The following MS4A12 variants were observed in gnomAD, a reference collection of about 807,000 sequenced individuals.
The protein encoded by MS4A12 is membrane spanning 4-domains A12.
MS4A12 carries 28 observed loss-of-function variants against 23.7 expected under a neutral mutation model. The observed-to-expected ratio is 1.18, with a 90% confidence interval of 0.88 to 1.62. The LOEUF (loss-of-function observed/expected upper bound fraction) is 1.62, where lower values mean the gene tolerates loss of function less well. Ranked by LOEUF, MS4A12 falls within the 40% of genes most tolerant of loss-of-function variation. The pLI is 0.00. For synonymous variants in MS4A12, 108 were observed against 110.1 expected, an observed-to-expected ratio of 0.98 and a Z score of 0.12; for missense variants, 342 against 327.0, an observed-to-expected ratio of 1.05 and a Z score of -0.35.
At position 60,499,889 on chromosome 11, in the gene MS4A12, G is replaced by T. The variant is rs534756029; in HGVS notation, c.277-1156G>T. Among the ~76,000 whole-genome samples, 5 of 152,218 alleles carry T rather than the reference G, an allele frequency of 3.3e-5. No individual in the cohort carries two copies. The East Asian group carries it at 7.7e-4, about 23-fold the overall frequency. On this transcript the variant is annotated intron_variant, in intron 2 of 6. Coordinates refer to ENST00000016913, the MANE Select transcript of MS4A12 (RefSeq NM_017716.3). ...AAGGTTCAATAAGAGGTACAAGGAG[G>T]TAAAAGATGTATACCTTACTTTTAG...
At chr11:60,504,505 A>G (rs1408641552) in intron 5 of MS4A12, among the ~76,000 whole-genome samples, 1 of 152,210 alleles carries the variant, frequency 6.6e-6, no homozygotes, top group Admixed American at 6.5e-5. Context: ...AAACCACAGA[A>G]GAGTGGTTTT....
intron 4 of MS4A12, among the ~76,000 whole-genome samples, chr11:60,502,272 T>G (rs1170783321): frequency 6.6e-6 from 1 of 152,100 alleles, no homozygotes; most frequent in Non-Finnish European, 1.5e-5. Flanking sequence ...AGGTGAGAAG[T>G]AGTAAAAATC....
Position 60,492,817 on chromosome 11 carries a change from C to T in MS4A12, c.-18C>T, listed in dbSNP as rs991255142. On this transcript the variant is annotated 5_prime_UTR_variant, in exon 1 of 7. Transcript: ENST00000016913. ...AGAGAAAGAGGAAACATAGAGGTGC[C>T]AAAGGAACAAAGTAAGTCCATTGAT... The T allele has an allele frequency of 3.3e-5, 5 of 152,134 alleles. No homozygotes were observed. The highest frequency in any genetic ancestry group is 7.3e-5 in the Non-Finnish European group (5 of 68,036). The allele number at this position is 152,134 out of a possible 1,614,324, so 9.4% of individuals were successfully genotyped here.
In MS4A12 at chr11:60,503,054, C is replaced by T. The variant is rs116744989; in HGVS notation, c.472-647C>T. On this transcript the variant is annotated intron_variant, in intron 4 of 6. Coordinates refer to ENST00000016913, the MANE Select transcript of MS4A12 (RefSeq NM_017716.3). The stretch of plus-strand genomic sequence containing the variant: ...TCTAAAGAACTCGACTGTGCCACCC[C>T]TAGCAAGTCACCTGCGGACTTGGTT... Among the ~76,000 whole-genome samples the T allele has an allele frequency of 8.2e-4, 125 of 152,258 alleles. 1 individual carries two copies. The highest frequency in any genetic ancestry group is 2.8e-3 in the African/African-American group (117 of 41,540).
At chr11:60,502,124 G>A (rs2086535191) in intron 4 of MS4A12, 85 bp downstream of exon 4, 1 of 1,392,338 alleles carries the variant, frequency 7.2e-7, no homozygotes, top group Admixed American at 1.8e-5. Context: ...CTGGATTTGG[G>A]AAATGCAAAA....
At chr11:60,501,737 G>C (rs1223612016) in intron 3 of MS4A12, among the ~76,000 whole-genome samples, 1 of 152,116 alleles carries the variant, frequency 6.6e-6, no homozygotes, top group African/African-American at 2.4e-5. Context: ...GGATGGAGCA[G>C]TAAGCCTCAG....
intron 3 of MS4A12, 46 bp downstream of exon 3, chr11:60,501,228 T>C: frequency 6.5e-7 from 1 of 1,535,338 alleles, no homozygotes; most frequent in Non-Finnish European, 8.8e-7. Context: ...TTATAAAGTA[T>C]TCCCTCTTGG....
rs6591594 is a variant in MS4A12 at position 60,503,700 on chromosome 11, G to T, written c.472-1G>T. ...TGATTTTTTCCTGCCATCTCCATTA[G>T]GTGAAAGGCAGCCTGGGAATGAACA... On this transcript the variant is annotated splice_acceptor_variant, in intron 4 of 6. Coordinates refer to ENST00000016913, the MANE Select transcript of MS4A12 (RefSeq NM_017716.3). LOFTEE classifies it high-confidence loss of function. The T allele has an allele frequency of 2.6e-3, 4,241 of 1,610,426 alleles. 97 individuals carry two copies. The African/African-American group carries it at 0.045, about 17-fold the overall frequency.
At chr11:60,504,781 C>T (rs976153359) in intron 5 of MS4A12, among the ~76,000 whole-genome samples, 1 of 152,032 alleles carries the variant, frequency 6.6e-6, no homozygotes, top group African/African-American at 2.4e-5. Flanking sequence ...GCTTATGAAG[C>T]CATCTGCTTC....
chr11:60,499,923 G>C (rs749025295), intron 2 of MS4A12, among the ~76,000 whole-genome samples: 1 of 152,170 alleles, frequency 6.6e-6, no homozygotes, highest in African/African-American at 2.4e-5. Flanking sequence ...AGTAATATAT[G>C]ATTGATAAGA....
Position 60,507,262 on chromosome 11 carries a change from C to T in MS4A12, c.*138C>T, listed in dbSNP as rs1376939564. The T allele has an allele frequency of 3.0e-6, 2 of 668,630 alleles. No homozygotes were observed. The highest frequency in any genetic ancestry group is 5.1e-6 in the Non-Finnish European group (2 of 389,486). 41.4% of individuals were successfully genotyped at this position (668,630 alleles called of 1,614,324 possible). A position where few individuals can be genotyped will look rare whatever the true frequency, so the allele number is the denominator to read the frequency against. ...TTGAGATTTGTTTTTAGGTTGGTCG[C>T]TAATGATGGCTGTATCTCCCTTCAC... On this transcript the variant is annotated 3_prime_UTR_variant, in exon 7 of 7. Transcript: ENST00000016913.
intron 4 of MS4A12, among the ~76,000 whole-genome samples, chr11:60,502,894 C>T (rs1472660606): frequency 6.6e-6 from 1 of 152,094 alleles, no homozygotes; most frequent in Non-Finnish European, 1.5e-5. Context: ...AGGATCCTTC[C>T]GTCTAATTGA....
chr11:60,503,621 C>A, intron 4 of MS4A12, 80 bp from the exon 5 acceptor site: 1 of 1,144,146 alleles, frequency 8.7e-7, no homozygotes, highest in South Asian at 1.6e-5. Context: ...AATTAAGAAC[C>A]ATGAAATTTG....
intron 1 of MS4A12, among the ~76,000 whole-genome samples, chr11:60,495,995 G>A (rs2086485205): frequency 6.6e-6 from 1 of 152,156 alleles, no homozygotes; most frequent in South Asian, 2.1e-4. Context: ...TGAACCAACA[G>A]CCAAGAATCC....
At chr11:60,500,035 C>A (rs982537905) in intron 2 of MS4A12, among the ~76,000 whole-genome samples, 1 of 127,214 alleles carries the variant, frequency 7.9e-6, no homozygotes, top group Non-Finnish European at 1.7e-5. Context: ...GTCAGAAGAT[C>A]CAGACCTTCC....
At chr11:60,505,918 T>C (rs59680978) in intron 5 of MS4A12, among the ~76,000 whole-genome samples, 2,495 of 152,260 alleles carry the variant, frequency 0.016, 63 homozygotes, top group African/African-American at 0.057. Flanking sequence ...CAGGCCTCCA[T>C]ACTAAGCATT....
Position 60,503,742 on chromosome 11 carries a change from G to C in MS4A12, c.513G>C (p.Leu171Phe). Residue 171 changes from leucine to phenylalanine, a missense_variant, in exon 5 of 7, where the codon TTG becomes TTC. Coordinates refer to ENST00000016913, the MANE Select transcript of MS4A12 (RefSeq NM_017716.3). ...SLGMNIVSSI[L>F]AFIGVILLLV... ...GAATGAACATTGTTAGTTCTATCTT[G>C]GCCTTCATTGGAGTGATTCTGCTGC... 6.2e-7 allele frequency: 1 copy of C among 1,613,750 alleles called. No homozygotes were observed. Among genetic ancestry groups the C allele is most frequent in the Admixed American group, 1.7e-5 (1 of 59,988 alleles).
Position 60,501,998 on chromosome 11 carries a change from T to G in MS4A12, c.430T>G (p.Ser144Ala). 6.2e-7 allele frequency: 1 copy of G among 1,612,734 alleles called. No homozygotes were observed. Among genetic ancestry groups the G allele is most frequent in the Non-Finnish European group, 8.5e-7 (1 of 1,178,800 alleles). Residue 144 changes from serine to alanine, a missense_variant, in exon 4 of 7, where the codon TCT becomes GCT. Transcript: ENST00000016913. ...ATTTCCACAGTTTATTATCTCTGGC[T>G]CTCTCTCTGTGTCAGCATCCAAGGA... ...WGGLSFIISG[S>A]LSVSASKELS...
chr11:60,497,640 C>T (rs753380793), intron 2 of MS4A12, 46 bp downstream of exon 2: 2 of 1,588,646 alleles, frequency 1.3e-6, no homozygotes, highest in Admixed American at 3.4e-5. Flanking sequence ...TTTGCAAGGT[C>T]TTCTTATAAG....
Sources: allele counts gnomAD v4.1 joint callset (sites outside exome capture counted in the v4.1 genomes callset), GRCh38; gene constraint gnomAD v4.1.1; transcripts MANE v1.5; gene names NCBI Gene and HGNC (gene_info 2026-07-23, HGNC 2026-07-21).